SMARCC1: variants seen among roughly 807,000 people sequenced by gnomAD.
The protein encoded by SMARCC1 is SWI/SNF complex subunit SMARCC1.
SMARCC1 carries 43 observed loss-of-function variants against 147.4 expected under a neutral mutation model. The observed-to-expected ratio is 0.29, with a 90% CI of 0.23 to 0.38. SMARCC1 has a LOEUF of 0.38. Ranked by LOEUF, SMARCC1 falls within the 10% of genes least tolerant of loss-of-function variation. The pLI is 1.00. For synonymous variants in SMARCC1, 495 were observed against 484.4 expected (o/e 1.02, Z -0.29); for missense variants, 1,119 against 1,381.1 (o/e 0.81, Z 3.01).
intron 2 of SMARCC1, among the ~76,000 whole-genome samples, chr3:47,760,602 T>C (rs988727979): frequency 6.6e-6 from 1 of 152,128 alleles, no homozygotes; most frequent in African/African-American, 2.4e-5. Flanking sequence ...GGGAGGAGAC[T>C]GCAGTGAGCC....
At chr3:47,680,608 C>A in intron 14 of SMARCC1, 100 bp from the exon 15 acceptor site, 1 of 597,548 alleles carries the variant, frequency 1.7e-6, no homozygotes, top group South Asian at 2.0e-5. Flanking sequence ...AGTGCAGTGG[C>A]GGGATCTCGG....
chr3:47,707,513 A>C (rs2034008434), intron 9 of SMARCC1, among the ~76,000 whole-genome samples: 1 of 152,176 alleles, frequency 6.6e-6, no homozygotes, highest in Admixed American at 6.5e-5. Context: ...TAAAGAAAAA[A>C]ACACCTAAAT....
intron 19 of SMARCC1, among the ~76,000 whole-genome samples, chr3:47,667,551 C>G (rs1356943554): frequency 6.6e-6 from 1 of 152,124 alleles, no homozygotes; most frequent in African/African-American, 2.4e-5. Context: ...TATAAATGAA[C>G]AGGAAGAATA....
At chr3:47,692,012 G>T (rs1026415041) in intron 12 of SMARCC1, among the ~76,000 whole-genome samples, 2 of 152,016 alleles carry the variant, frequency 1.3e-5, no homozygotes, top group South Asian at 4.2e-4. Context: ...AAATAATAAT[G>T]ACTGCAATTT....
At chr3:47,766,447 G>C (rs1197908501) in intron 2 of SMARCC1, among the ~76,000 whole-genome samples, 1 of 151,806 alleles carries the variant, frequency 6.6e-6, no homozygotes, top group Non-Finnish European at 1.5e-5. Flanking sequence ...GTGCATGCTT[G>C]TCCCAACTAC....
At chr3:47,613,167 T>C (rs1338741980) in intron 25 of SMARCC1, among the ~76,000 whole-genome samples, 3 of 152,136 alleles carry the variant, frequency 2.0e-5, no homozygotes, top group African/African-American at 7.2e-5. Flanking sequence ...TATGCATGTG[T>C]AAGGATGGTC....
chr3:47,723,699 G>A (rs929895955), intron 6 of SMARCC1, among the ~76,000 whole-genome samples: 2 of 152,008 alleles, frequency 1.3e-5, no homozygotes, highest in Admixed American at 6.6e-5. Context: ...TGTAATCCCA[G>A]CTACTTGAGT....
intron 11 of SMARCC1, among the ~76,000 whole-genome samples, chr3:47,695,883 G>GCACAC (rs745352327): frequency 1 from 111,376 of 111,562 alleles, 55,595 homozygotes; most frequent in Non-Finnish European, 1. Flanking sequence ...CCTGGCCAAG[G>GCACAC]TGAAACCCCG....
At chr3:47,639,698 A>C (rs2033024013) in intron 21 of SMARCC1, among the ~76,000 whole-genome samples, 1 of 150,604 alleles carries the variant, frequency 6.6e-6, no homozygotes, top group African/African-American at 2.4e-5. Flanking sequence ...TGGGAGACAG[A>C]GTGAGACTAC....
intron 2 of SMARCC1, among the ~76,000 whole-genome samples, chr3:47,764,098 T>C (rs2034807642): frequency 6.6e-6 from 1 of 152,086 alleles, no homozygotes; most frequent in Non-Finnish European, 1.5e-5. Flanking sequence ...GCAGCAGTAG[T>C]ACTACTGTAA....
At chr3:47,749,364 T>C (rs1433097766) in intron 2 of SMARCC1, among the ~76,000 whole-genome samples, 1 of 151,424 alleles carries the variant, frequency 6.6e-6, no homozygotes, top group African/African-American at 2.4e-5. Flanking sequence ...TATATAAAAT[T>C]TTAAAAAATA....
At chr3:47,631,069 A>G (rs2032883138) in intron 24 of SMARCC1, among the ~76,000 whole-genome samples, 1 of 152,084 alleles carries the variant, frequency 6.6e-6, no homozygotes. Flanking sequence ...TGACAAAGCA[A>G]GCAAGCAAGA....
Position 47,587,997 on chromosome 3 carries a change from C to G in SMARCC1, c.*212G>C. 1.8e-6 allele frequency: 1 copy of G among 557,364 alleles called. No homozygotes were observed. 34.5% of individuals were successfully genotyped at this position (557,364 alleles called of 1,614,324 possible). The stretch of plus-strand genomic sequence containing the variant: ...TAAGGATGACCAGGGCACACTGTCA[C>G]TACAGGTTTCCCCTTGAGTGTTGGC... On this transcript the variant is annotated 3_prime_UTR_variant, in exon 28 of 28. Coordinates refer to ENST00000254480, the MANE Select transcript of SMARCC1 (RefSeq NM_003074.4).
At chr3:47,728,077 C>CTT (rs1376111109) in intron 6 of SMARCC1, among the ~76,000 whole-genome samples, 2 of 59,680 alleles carry the variant, frequency 3.4e-5, no homozygotes, top group African/African-American at 1.3e-4. Flanking sequence ...CTTATTAGTC[C>CTT]CTTTTTTTTT....
chr3:47,662,790 A>C (rs2033364777), intron 19 of SMARCC1, among the ~76,000 whole-genome samples, 198 bp from the exon 20 acceptor site: 1 of 152,012 alleles, frequency 6.6e-6, no homozygotes, highest in African/African-American at 2.4e-5. Context: ...TAAAGAAAGT[A>C]GTCCAGGCAC....
In SMARCC1 at chr3:47,695,159, C is replaced by T. The variant is rs550858825; in HGVS notation, c.1166-1859G>A. Among the ~76,000 whole-genome samples, 47 of 152,184 alleles carry T rather than the reference C, an allele frequency of 3.1e-4. No individual in the cohort carries two copies. In the South Asian group the frequency reaches 9.3e-3, roughly 30 times the overall value. ...AATAATTAAGTCAGGAGGATAGGCC[C>T]CTCAAGAACAGGATTAATGCCCTTA... is the stretch of plus-strand genomic sequence containing the variant. On this transcript the variant is annotated intron_variant, in intron 11 of 27. Transcript: ENST00000254480.
At chr3:47,691,486 C>T (rs929006809) in intron 12 of SMARCC1, among the ~76,000 whole-genome samples, 2 of 151,796 alleles carry the variant, frequency 1.3e-5, no homozygotes, top group African/African-American at 2.4e-5. Flanking sequence ...TGGTGGCAGG[C>T]GCCTGTAATC....
At chr3:47,715,340 C>T (rs970924905) in intron 7 of SMARCC1, among the ~76,000 whole-genome samples, 1 of 152,140 alleles carries the variant, frequency 6.6e-6, no homozygotes, top group African/African-American at 2.4e-5. Flanking sequence ...CTGGCCCCAG[C>T]GATGTACTCT....
chr3:47,746,726 ATTTTT>A (rs35599897), intron 2 of SMARCC1, among the ~76,000 whole-genome samples: 1 of 122,014 alleles, frequency 8.2e-6, no homozygotes, highest in South Asian at 2.7e-4. Context: ...CACATCAGTA[ATTTTT>A]TTTTTTTTTT....
Sources: allele counts gnomAD v4.1 joint callset (sites outside exome capture counted in the v4.1 genomes callset), GRCh38; gene constraint gnomAD v4.1.1; transcripts MANE v1.5; gene names NCBI Gene and HGNC (gene_info 2026-07-23, HGNC 2026-07-21).